Variants in CDH4 observed in about 807,000 individuals in gnomAD.
CDH4 encodes cadherin-4.
Under a neutral mutation model 86.0 loss-of-function variants are expected in CDH4, and 33 were observed. The ratio of observed to expected loss-of-function variants is 0.38; its 90% confidence interval spans 0.29 to 0.51. CDH4 has a LOEUF of 0.51. Ranked by LOEUF, CDH4 falls within the 20% of genes least tolerant of loss-of-function variation. The pLI, the probability that CDH4 is intolerant of heterozygous loss-of-function variation, is 0.86. For missense variants in CDH4, 1,114 were observed against 1,307.4 expected, an observed-to-expected ratio of 0.85 and a Z score of 2.28; for synonymous variants, 555 against 549.4, an observed-to-expected ratio of 1.01 and a Z score of -0.14.
chr20:61,551,255 G>T (rs538539742), intron 2 of CDH4, among the ~76,000 whole-genome samples: 1 of 152,176 alleles, frequency 6.6e-6, no homozygotes, highest in African/African-American at 2.4e-5. Context: ...ATGATGTGCC[G>T]GATGTGTAAG....
intron 2 of CDH4, among the ~76,000 whole-genome samples, chr20:61,687,087 C>T (rs918348552): frequency 3.7e-4 from 57 of 152,224 alleles, no homozygotes; most frequent in Non-Finnish European, 5.4e-4. Flanking sequence ...ATTGATTAGG[C>T]GACCTCCCCG....
intron 2 of CDH4, among the ~76,000 whole-genome samples, chr20:61,520,625 C>T (rs1008324134): frequency 7.9e-5 from 12 of 152,168 alleles, no homozygotes; most frequent in Non-Finnish European, 1.3e-4. Context: ...TGGCATTTGG[C>T]GCATAGTTTC....
intron 2 of CDH4, among the ~76,000 whole-genome samples, chr20:61,543,627 T>C (rs1310181662): frequency 1.3e-5 from 2 of 152,206 alleles, no homozygotes; most frequent in Non-Finnish European, 2.9e-5. Context: ...GCCTTTATGA[T>C]CTGTCCCTGC....
At chr20:61,319,698 C>T (rs746820701) in intron 2 of CDH4, among the ~76,000 whole-genome samples, 1 of 151,798 alleles carries the variant, frequency 6.6e-6, no homozygotes, top group Non-Finnish European at 1.5e-5. Context: ...GTAATCCCAG[C>T]ACTTTGGGAG....
At chr20:61,437,379 G>A (rs916100571) in intron 2 of CDH4, 7 of 152,180 alleles carry the variant, frequency 4.6e-5, no homozygotes, top group Admixed American at 3.9e-4. Flanking sequence ...GCATTTAGCC[G>A]ACGAAATAGC....
intron 2 of CDH4, among the ~76,000 whole-genome samples, chr20:61,263,115 G>A (rs938719977): frequency 6.6e-6 from 1 of 152,232 alleles, no homozygotes; most frequent in African/African-American, 2.4e-5. Flanking sequence ...CGTCAAGGGC[G>A]GTAAAGTTCT....
Position 61,703,664 on chromosome 20 carries a change from C to T in CDH4, c.170-39899C>T, listed in dbSNP as rs1416538870. 6.6e-6 allele frequency among the ~76,000 whole-genome samples: 1 copy of T among 152,122 alleles called. No individual in the cohort carries two copies. Among genetic ancestry groups the T allele is most frequent in the Non-Finnish European group, 1.5e-5 (1 of 68,026 alleles). On this transcript the variant is annotated intron_variant, in intron 2 of 15. Transcript: ENST00000614565. This position sits in a 1 kb window ranked among gnomAD's most constrained non-coding sequence, Gnocchi z 4.3. ...TGATGTGTGCAGCCATCTCATTGGC[C>T]ATACAAGAGCTGTCCATGTCTCATC...
At chr20:61,598,976 G>C (rs1200836642) in intron 2 of CDH4, among the ~76,000 whole-genome samples, 3 of 152,236 alleles carry the variant, frequency 2.0e-5, no homozygotes, top group Non-Finnish European at 4.4e-5. Flanking sequence ...GCTAACACGA[G>C]TCCCTCAGTG....
Position 61,582,417 on chromosome 20 carries a change from G to A in CDH4, c.170-161146G>A, listed in dbSNP as rs117364038. 3.5e-4 allele frequency among the ~76,000 whole-genome samples: 53 copies of A among 152,332 alleles called. No individual in the cohort carries two copies. The highest frequency in any genetic ancestry group is 5.6e-4 in the Non-Finnish European group (38 of 68,024). ...CATCCCCCTGCCTGGGGCCCTGTCCGCAAGTCCTTCTCAGAACCATCCCAT... is the reference window on the plus strand; with the variant it reads ...CATCCCCCTGCCTGGGGCCCTGTCCACAAGTCCTTCTCAGAACCATCCCAT... On this transcript the variant is annotated intron_variant, in intron 2 of 15. Transcript: ENST00000614565. This position sits in a 1 kb window ranked among gnomAD's most constrained non-coding sequence, Gnocchi z 4.2.
At chr20:61,495,347 G>A (rs367796123) in intron 2 of CDH4, among the ~76,000 whole-genome samples, 152 of 152,282 alleles carry the variant, frequency 1.0e-3, no homozygotes, top group African/African-American at 3.5e-3. Flanking sequence ...GAACCCCCAG[G>A]AGGAGCTGTG....
chr20:61,494,275 A>T (rs1186857861), intron 2 of CDH4, among the ~76,000 whole-genome samples: 2 of 152,060 alleles, frequency 1.3e-5, no homozygotes. Context: ...CAATAAGGAG[A>T]CCCCCACCTC....
chr20:61,583,440 C>T (rs574524904), intron 2 of CDH4, among the ~76,000 whole-genome samples: 6 of 152,008 alleles, frequency 3.9e-5, no homozygotes, highest in African/African-American at 7.2e-5. Flanking sequence ...TGAGGGGAGA[C>T]GGGGGTTGTC....
chr20:61,809,777 C>T (rs1980335272), intron 4 of CDH4, among the ~76,000 whole-genome samples: 1 of 152,186 alleles, frequency 6.6e-6, no homozygotes, highest in South Asian at 2.1e-4. Flanking sequence ...AAGGCAGAAC[C>T]TTCCATACTT....
chr20:61,635,180 A>G (rs1416827930), intron 2 of CDH4, among the ~76,000 whole-genome samples: 1 of 151,438 alleles, frequency 6.6e-6, no homozygotes, highest in Admixed American at 6.6e-5. Context: ...TGGACCCGGC[A>G]GTAACTCTAG....
rs532761901 is a variant in CDH4 at position 61,582,633 on chromosome 20, G to A, written c.170-160930G>A. Among the ~76,000 whole-genome samples, 29 of 152,278 alleles carry A rather than the reference G, an allele frequency of 1.9e-4. No individual in the cohort carries two copies. Among genetic ancestry groups the A allele is most frequent in the African/African-American group, 5.1e-4 (21 of 41,552 alleles). ...TTCCGTCCCCTGCAGGGCCTGGTGCGGTGGAGCCCAGGCAGTGCTCCCTGC... is the reference window on the plus strand; with the variant it reads ...TTCCGTCCCCTGCAGGGCCTGGTGCAGTGGAGCCCAGGCAGTGCTCCCTGC... On this transcript the variant is annotated intron_variant, in intron 2 of 15. Coordinates refer to ENST00000614565, the MANE Select transcript of CDH4 (RefSeq NM_001794.5). This position sits in a 1 kb window ranked among gnomAD's most constrained non-coding sequence, Gnocchi z 4.2.
Position 61,480,238 on chromosome 20 carries a change from G to A in CDH4, c.169+225301G>A, listed in dbSNP as rs1158833798. On this transcript the variant is annotated intron_variant, in intron 2 of 15. Coordinates refer to ENST00000614565, the MANE Select transcript of CDH4 (RefSeq NM_001794.5). The surrounding 1 kb of genome is among the most constrained non-coding windows in gnomAD (Gnocchi z 5.2). ...CTCTTCCACCCCAGGAGGACCCCAG[G>A]CTCCCCCTCTCGTGGTAGCCTGGAA... 6.6e-6 allele frequency among the ~76,000 whole-genome samples: 1 copy of A among 151,970 alleles called. No homozygotes were observed. Among genetic ancestry groups the A allele is most frequent in the East Asian group, 1.9e-4 (1 of 5,152 alleles).
At chr20:61,560,389 C>T (rs568438879) in intron 2 of CDH4, among the ~76,000 whole-genome samples, 4 of 152,352 alleles carry the variant, frequency 2.6e-5, no homozygotes, top group African/African-American at 4.8e-5. Context: ...GCATGTGACT[C>T]GCAACCATTG....
intron 8 of CDH4, among the ~76,000 whole-genome samples, chr20:61,899,479 G>A (rs1299184915): frequency 6.6e-6 from 1 of 152,110 alleles, no homozygotes; most frequent in African/African-American, 2.4e-5. Flanking sequence ...CCAGGCTGGA[G>A]TGCAGTGGCG....
chr20:61,482,184 A>T (rs970650496), intron 2 of CDH4, among the ~76,000 whole-genome samples: 1 of 152,230 alleles, frequency 6.6e-6, no homozygotes, highest in Non-Finnish European at 1.5e-5. Context: ...TAATGGAGGC[A>T]CGGTTCTGTA....
Sources: gnomAD v4.1 joint callset for allele counts (sites outside exome capture counted in the v4.1 genomes callset) on GRCh38, gnomAD v4.1.1 for gene constraint, Gnocchi (gnomAD v3.1) non-coding constraint, MANE v1.5 for transcripts, NCBI Gene and HGNC (gene_info 2026-07-23, HGNC 2026-07-21) for gene names.